WWOX: variants seen among roughly 807,000 people sequenced by gnomAD.
WWOX encodes WW domain containing oxidoreductase.
A neutral mutation model predicts 46.2 loss-of-function variants in WWOX; 69 were observed. That is an observed-to-expected ratio of 1.49 (90% confidence interval 1.23 to 1.82). The LOEUF (loss-of-function observed/expected upper bound fraction) is 1.82. Among genes scored for constraint, WWOX ranks in the 40% most tolerant of loss-of-function variants. WWOX has a pLI of 0.00. For synonymous variants in WWOX, 359 were observed against 202.6 expected, an observed-to-expected ratio of 1.77 and a Z score of -6.56; for missense variants, 919 against 542.6, an observed-to-expected ratio of 1.69 and a Z score of -6.89.
intron 8 of WWOX, among the ~76,000 whole-genome samples, chr16:78,540,715 C>G (rs946926950): frequency 6.6e-6 from 1 of 151,820 alleles, no homozygotes; most frequent in Non-Finnish European, 1.5e-5. Context: ...AAAATGGGGT[C>G]TCATTCTGTT....
At chr16:78,559,291 C>T (rs566040547) in intron 8 of WWOX, among the ~76,000 whole-genome samples, 2 of 152,108 alleles carry the variant, frequency 1.3e-5, no homozygotes, top group Admixed American at 6.5e-5. Context: ...CAGGGAAGAA[C>T]GATGGATTTG....
At chr16:78,775,988 C>A (rs892626391) in intron 8 of WWOX, among the ~76,000 whole-genome samples, 1 of 152,162 alleles carries the variant, frequency 6.6e-6, no homozygotes, top group Non-Finnish European at 1.5e-5. Context: ...CTAGGTTTCT[C>A]ATTTATTTAT....
At chr16:78,850,404 G>C (rs1041847930) in intron 8 of WWOX, among the ~76,000 whole-genome samples, 1 of 152,090 alleles carries the variant, frequency 6.6e-6, no homozygotes, top group African/African-American at 2.4e-5. Flanking sequence ...GTAACATAGT[G>C]ATTATTAATG....
chr16:78,463,028 T>A (rs549055987), intron 8 of WWOX, among the ~76,000 whole-genome samples: 1 of 152,342 alleles, frequency 6.6e-6, no homozygotes, highest in Non-Finnish European at 1.5e-5. Context: ...CACACTGGCT[T>A]TGAGGCTCAT....
At chr16:78,856,370 C>T (rs764535915) in intron 8 of WWOX, among the ~76,000 whole-genome samples, 5 of 152,178 alleles carry the variant, frequency 3.3e-5, no homozygotes, top group Non-Finnish European at 7.3e-5. Context: ...TAGCCTGGCA[C>T]AGTGGCTCAC....
chr16:79,000,668 G>A (rs908192808), intron 8 of WWOX, among the ~76,000 whole-genome samples: 11 of 152,174 alleles, frequency 7.2e-5, no homozygotes, highest in African/African-American at 2.7e-4. Context: ...TTTGATTTTA[G>A]CACAGTGATA....
intron 8 of WWOX, among the ~76,000 whole-genome samples, chr16:78,544,804 G>A (rs2043986626): frequency 6.6e-6 from 1 of 152,158 alleles, no homozygotes; most frequent in African/African-American, 2.4e-5. Context: ...CAGCCCAGAA[G>A]TTCAAGGCTG....
rs574242341 is a variant in WWOX at position 78,507,379 on chromosome 16, GAAAC to G, written c.1056+74634_1056+74637del. On this transcript the variant is annotated intron_variant, in intron 8 of 8. Transcript: ENST00000566780. ...TGGGATAAAAATAAAAAGTCAAAAG[GAAAC>G]AAACAATGTTGCTGAGAAGTGATAG... Among the ~76,000 whole-genome samples, 918 of 152,236 alleles carry G rather than the reference GAAAC, an allele frequency of 6.0e-3. 13 individuals carry two copies. Among genetic ancestry groups the G allele is most frequent in the African/African-American group, 0.021 (867 of 41,532 alleles).
chr16:78,427,542 G>GCACACACA (rs145433869), intron 7 of WWOX, among the ~76,000 whole-genome samples: 14 of 150,012 alleles, frequency 9.3e-5, no homozygotes, highest in African/African-American at 2.2e-4. Flanking sequence ...ACGCACGCAC[G>GCACACACA]CACACACACA....
At chr16:78,679,034 G>A (rs916827637) in intron 8 of WWOX, among the ~76,000 whole-genome samples, 1 of 152,194 alleles carries the variant, frequency 6.6e-6, no homozygotes, top group Non-Finnish European at 1.5e-5. Context: ...AGGGAAGGGG[G>A]CAATTGCCAA....
chr16:79,154,551 C>T (rs9939576), intron 8 of WWOX, among the ~76,000 whole-genome samples: 2,327 of 150,322 alleles, frequency 0.015, 59 homozygotes, highest in African/African-American at 0.053. Flanking sequence ...GATATAGCCA[C>T]TCTTTTCTGA....
intron 8 of WWOX, among the ~76,000 whole-genome samples, chr16:78,678,847 C>G (rs1452945810): frequency 6.6e-6 from 1 of 152,048 alleles, no homozygotes; most frequent in African/African-American, 2.4e-5. Context: ...ATAAAGAGTC[C>G]CTGTGCTTCC....
intron 5 of WWOX, among the ~76,000 whole-genome samples, chr16:78,214,442 C>A (rs1189816942): frequency 6.6e-6 from 1 of 152,180 alleles, no homozygotes; most frequent in African/African-American, 2.4e-5. Flanking sequence ...TCGAAGTCTG[C>A]TGCTGTCAGC....
At chr16:78,415,145 G>C (rs1349212539) in intron 6 of WWOX, among the ~76,000 whole-genome samples, 4 of 150,494 alleles carry the variant, frequency 2.7e-5, no homozygotes, top group Non-Finnish European at 5.9e-5. Flanking sequence ...ACAAGGGGTA[G>C]ATTACTCATG....
intron 5 of WWOX, among the ~76,000 whole-genome samples, chr16:78,336,159 A>G (rs140315246): frequency 3.3e-5 from 5 of 152,096 alleles, no homozygotes; most frequent in Middle Eastern, 3.4e-3. Flanking sequence ...TGTTGATGCT[A>G]CTTGTCTTGG....
At chr16:79,181,998 G>T (rs1372650300) in intron 8 of WWOX, among the ~76,000 whole-genome samples, 6 of 152,170 alleles carry the variant, frequency 3.9e-5, no homozygotes, top group Non-Finnish European at 8.8e-5. Flanking sequence ...GACAATCCCG[G>T]GGCAGTTTGT....
chr16:78,871,431 G>C lies in WWOX; in HGVS notation c.1057-340177G>C, dbSNP rs530444525. Among the ~76,000 whole-genome samples the C allele has an allele frequency of 3.3e-5, 5 of 152,288 alleles. No homozygotes were observed. The South Asian group carries it at 1.0e-3, about 32-fold the overall frequency. On this transcript the variant is annotated intron_variant, in intron 8 of 8. Coordinates refer to ENST00000566780, the MANE Select transcript of WWOX (RefSeq NM_016373.4). ...TAACTGAATGGTTGGCACAGGCTTC[G>C]ATGAAGCTTGTGTCCACCACAGTTT...
At chr16:79,054,060 C>A (rs767430724) in intron 8 of WWOX, among the ~76,000 whole-genome samples, 2 of 151,912 alleles carry the variant, frequency 1.3e-5, no homozygotes, top group Non-Finnish European at 1.5e-5. Flanking sequence ...ATAATTGATA[C>A]CTGCTCTCTG....
In WWOX at chr16:78,550,167, C is replaced by T. The variant is rs112679679; in HGVS notation, c.1056+117415C>T. ...TTCACTAAACCCAAATTAATAATTCCTTACTATTGTCATTAAAAGTTCTCA... is the reference window on the plus strand; with the variant it reads ...TTCACTAAACCCAAATTAATAATTCTTTACTATTGTCATTAAAAGTTCTCA... On this transcript the variant is annotated intron_variant, in intron 8 of 8. Transcript: ENST00000566780. 2.7e-4 allele frequency among the ~76,000 whole-genome samples: 41 copies of T among 152,278 alleles called. 1 individual carries two copies. Among genetic ancestry groups the T allele is most frequent in the African/African-American group, 9.6e-4 (40 of 41,564 alleles).
Sources: gnomAD v4.1 joint callset for allele counts (sites outside exome capture counted in the v4.1 genomes callset) on GRCh38, gnomAD v4.1.1 for gene constraint, MANE v1.5 for transcripts, NCBI Gene and HGNC (gene_info 2026-07-23, HGNC 2026-07-21) for gene names.